The following RCOR1 variants were observed in gnomAD, a reference collection of about 807,000 sequenced individuals.
RCOR1 encodes REST corepressor 1, also known as REST corepressor.
RCOR1 carries 12 observed loss-of-function variants against 64.0 expected under a neutral mutation model. That is an observed-to-expected ratio of 0.19 (90% CI 0.12 to 0.30). The LOEUF (loss-of-function observed/expected upper bound fraction) is 0.30. Ranked by LOEUF, RCOR1 falls within the 10% of genes least tolerant of loss-of-function variation. The pLI is 1.00. For missense variants in RCOR1, 502 were observed against 621.2 expected (o/e 0.81, Z 2.04); for synonymous variants, 279 against 227.2 (o/e 1.23, Z -2.05).
intron 2 of RCOR1, among the ~76,000 whole-genome samples, chr14:102,625,063 TA>T (rs1343411558): frequency 4.6e-5 from 7 of 151,726 alleles, no homozygotes; most frequent in Admixed American, 6.6e-5. Context: ...TTTGTAGAGA[TA>T]AGGTGTTACT....
chr14:102,593,342 G>T lies in RCOR1; in HGVS notation c.361+17G>T, dbSNP rs1366858474. On this transcript the variant is annotated intron_variant, in intron 2 of 11. Coordinates refer to ENST00000262241, the MANE Select transcript of RCOR1 (RefSeq NM_015156.4). ...TCGACCCCGGTGAGTAGCGGCCCCG[G>T]CCGGCCGGCGGCGGGGATGAGCGGG... 3.9e-6 allele frequency: 6 copies of T among 1,526,810 alleles called. No homozygotes were observed. Among genetic ancestry groups the T allele is most frequent in the Non-Finnish European group, 5.2e-6 (6 of 1,145,518 alleles). The allele number at this position is 1,526,810 out of a possible 1,614,324, so 94.6% of individuals were successfully genotyped here.
At chr14:102,616,229 TGTGTGTGTG>T (rs1893758147) in intron 2 of RCOR1, among the ~76,000 whole-genome samples, 1 of 87,044 alleles carries the variant, frequency 1.1e-5, no homozygotes, top group Non-Finnish European at 2.9e-5. Flanking sequence ...TGTGTGTGTG[TGTGTGTGTG>T]TGTGTGTGTG....
intron 2 of RCOR1, among the ~76,000 whole-genome samples, chr14:102,629,788 T>C (rs1016020730): frequency 6.6e-6 from 1 of 152,114 alleles, no homozygotes; most frequent in Admixed American, 6.5e-5. Context: ...TTAAAGAGAT[T>C]TACAAACATC....
rs757726691 is a variant in RCOR1 at position 102,714,553 on chromosome 14, A to G, written c.989A>G (p.Asn330Ser). ...SQEDVEAVSA[N>S]ATAATTVLRQ... is the part of the protein sequence containing the mutation. Reference sequence around the variant, plus strand: ...GAAGATGTGGAGGCTGTTTCTGCCAATGCCACTGCTGCTACCACGGTGCTG... The same window carrying G: ...GAAGATGTGGAGGCTGTTTCTGCCAGTGCCACTGCTGCTACCACGGTGCTG... Residue 330 changes from asparagine (N) to serine (S), a missense_variant, in exon 8 of 12, where the codon AAT becomes AGT. Asn to Ser is a conservative substitution (Grantham distance 46). Around this residue, in one of 2 missense-constraint regions of RCOR1, gnomAD observed 260 missense variants for 416.4 expected, o/e 0.62. Transcript: ENST00000262241. 91 of 1,614,040 alleles carry G rather than the reference A, an allele frequency of 5.6e-5. 1 individual carries two copies. The highest frequency in any genetic ancestry group is 1.6e-4 in the Middle Eastern group (1 of 6,062).
At chr14:102,621,975 C>T (rs894894960) in intron 2 of RCOR1, among the ~76,000 whole-genome samples, 5 of 152,170 alleles carry the variant, frequency 3.3e-5, no homozygotes, top group East Asian at 1.9e-4. Context: ...TGAAATTCCT[C>T]CCCCTCTCCC....
intron 3 of RCOR1, among the ~76,000 whole-genome samples, chr14:102,698,984 T>TC (rs1195724994): frequency 6.6e-6 from 1 of 152,076 alleles, no homozygotes; most frequent in African/African-American, 2.4e-5. Flanking sequence ...AGTGGCACGA[T>TC]CTTGGCTCAC....
rs1435163970 is a variant in RCOR1, at chr14:102,727,573, T to C, written c.*1067T>C. 2 of 152,284 alleles carry C rather than the reference T, an allele frequency of 1.3e-5. No individual in the cohort carries two copies. The highest frequency in any genetic ancestry group is 2.9e-5 in the Non-Finnish European group (2 of 68,040). The allele number at this position is 152,284 out of a possible 1,614,324, so 9.4% of individuals were successfully genotyped here. A position where few individuals can be genotyped will look rare whatever the true frequency, so the allele number is the denominator to read the frequency against. ...TGCGCGTTGTTCCGCGTTCTCTCGG[T>C]GTGCCTGGCCTTTTATGTGGCACTC... On this transcript the variant is annotated 3_prime_UTR_variant, in exon 12 of 12. Coordinates refer to ENST00000262241, the MANE Select transcript of RCOR1 (RefSeq NM_015156.4).
At chr14:102,721,756 A>G (rs1366709382) in intron 10 of RCOR1, among the ~76,000 whole-genome samples, 1 of 152,152 alleles carries the variant, frequency 6.6e-6, no homozygotes. Flanking sequence ...TAAAAACTTA[A>G]CCGGGAACCC....
At chr14:102,629,987 A>C in intron 2 of RCOR1, 1 of 976,306 alleles carries the variant, frequency 1.0e-6, no homozygotes, top group East Asian at 1.1e-4. Context: ...ATGCCTCCTT[A>C]TTTTGTGTAA....
At chr14:102,706,718 TG>T (rs922681760) in intron 4 of RCOR1, among the ~76,000 whole-genome samples, 12 of 151,950 alleles carry the variant, frequency 7.9e-5, no homozygotes, top group African/African-American at 2.7e-4. Context: ...CCCAGCTACT[TG>T]GGAGACTGAG....
At chr14:102,607,934 T>A (rs1449878927) in intron 2 of RCOR1, among the ~76,000 whole-genome samples, 6 of 152,058 alleles carry the variant, frequency 3.9e-5, no homozygotes, top group Admixed American at 3.9e-4. Flanking sequence ...TGCACGCCTC[T>A]AATCCCAGCT....
rs573704235 is a variant in RCOR1, at chr14:102,623,880, C to A, written c.361+30555C>A. On this transcript the variant is annotated intron_variant, in intron 2 of 11. Coordinates refer to ENST00000262241, the MANE Select transcript of RCOR1 (RefSeq NM_015156.4). ...GACCATCCTGGCTAACACGGTGAAA[C>A]CCCATCTCTACTAAAAAAAATACAA... 5.3e-5 allele frequency among the ~76,000 whole-genome samples: 8 copies of A among 150,586 alleles called. No individual in the cohort carries two copies. In the East Asian group the frequency reaches 1.2e-3, roughly 23 times the overall value.
At chr14:102,687,489 T>C (rs534512172) in intron 3 of RCOR1, among the ~76,000 whole-genome samples, 6 of 152,344 alleles carry the variant, frequency 3.9e-5, no homozygotes, top group Admixed American at 6.5e-5. Flanking sequence ...ATGAGAGATA[T>C]AACTTATGGG....
At chr14:102,714,068 C>CT (rs1265994800) in intron 7 of RCOR1, among the ~76,000 whole-genome samples, 12 of 152,146 alleles carry the variant, frequency 7.9e-5, no homozygotes, top group Non-Finnish European at 1.5e-4. Flanking sequence ...TTTCATGTAG[C>CT]TAAATACAGA....
At chr14:102,657,922 A>AAGT (rs1195019113) in intron 2 of RCOR1, 1 of 984,754 alleles carries the variant, frequency 1.0e-6, no homozygotes, top group African/African-American at 1.7e-5. Context: ...TCTCTGAAAC[A>AAGT]AGTGAAAGAG....
chr14:102,647,001 C>T (rs1894488756), intron 2 of RCOR1, among the ~76,000 whole-genome samples: 1 of 152,174 alleles, frequency 6.6e-6, no homozygotes, highest in Non-Finnish European at 1.5e-5. Flanking sequence ...AACATCTGCA[C>T]TGTTAGATGT....
chr14:102,659,738 C>G (rs1595217109), intron 2 of RCOR1, among the ~76,000 whole-genome samples: 1 of 152,120 alleles, frequency 6.6e-6, no homozygotes, highest in South Asian at 2.1e-4. Context: ...GGAGAGGTAT[C>G]TGCTGCTGCC....
At chr14:102,699,165 G>T (rs926694283) in intron 3 of RCOR1, among the ~76,000 whole-genome samples, 1 of 152,320 alleles carries the variant, frequency 6.6e-6, no homozygotes, top group East Asian at 1.9e-4. Context: ...GATTACAGGC[G>T]TGAGCCACCG....
chr14:102,621,922 G>C (rs1191150232), intron 2 of RCOR1, among the ~76,000 whole-genome samples: 1 of 152,046 alleles, frequency 6.6e-6, no homozygotes, highest in Non-Finnish European at 1.5e-5. Flanking sequence ...AATTTAGCTG[G>C]CATTGCTAAC....
Sources: gnomAD v4.1 joint callset for allele counts (sites outside exome capture counted in the v4.1 genomes callset) on GRCh38, gnomAD v4.1.1 for gene constraint, gnomAD v4.1.1 regional missense constraint, MANE v1.5 for transcripts, NCBI Gene and HGNC (gene_info 2026-07-23, HGNC 2026-07-21) for gene names.